CACNA1D: variants seen among roughly 807,000 people sequenced by gnomAD.
The protein encoded by CACNA1D is calcium voltage-gated channel subunit alpha1 D.
CACNA1D carries 55 observed loss-of-function variants against 257.1 expected under a neutral mutation model. That is an observed-to-expected ratio of 0.21 (90% CI 0.17 to 0.27). CACNA1D has a LOEUF of 0.27. Ranked by LOEUF, CACNA1D falls within the 10% of genes least tolerant of loss-of-function variation. The probability of loss-of-function intolerance (pLI) is 1.00; values close to 1 mark genes in which losing one functional copy is unlikely to be tolerated. For missense variants in CACNA1D, 1,876 were observed against 2,784.0 expected, an observed-to-expected ratio of 0.67 and a Z score of 7.34; for synonymous variants, 980 against 1,014.9, an observed-to-expected ratio of 0.97 and a Z score of 0.65.
At chr3:53,649,134 C>T (rs962518342) in intron 3 of CACNA1D, among the ~76,000 whole-genome samples, 6 of 152,068 alleles carry the variant, frequency 3.9e-5, no homozygotes, top group African/African-American at 1.2e-4. Flanking sequence ...AGCAGACAGC[C>T]GGAGCCCAGG....
intron 4 of CACNA1D, among the ~76,000 whole-genome samples, chr3:53,651,427 A>G (rs1436613445): frequency 8.7e-6 from 1 of 114,286 alleles, no homozygotes; most frequent in East Asian, 3.0e-4. Flanking sequence ...CTACTGTTCC[A>G]TTTTAAATAA....
chr3:53,757,212 G>A (rs1363667740), intron 29 of CACNA1D, among the ~76,000 whole-genome samples: 2 of 144,390 alleles, frequency 1.4e-5, no homozygotes, highest in African/African-American at 5.5e-5. Flanking sequence ...GAGAAAATTT[G>A]ACACTGTTTT....
chr3:53,791,370 G>A (rs2095482110), intron 40 of CACNA1D: 2 of 220,928 alleles, frequency 9.1e-6, no homozygotes, highest in Non-Finnish European at 1.8e-5. Context: ...ACAGAGAAAT[G>A]AAATGAACAC....
intron 3 of CACNA1D, among the ~76,000 whole-genome samples, chr3:53,616,567 C>T (rs2093639364): frequency 6.6e-6 from 1 of 152,206 alleles, no homozygotes; most frequent in African/African-American, 2.4e-5. Context: ...TTCCTACCCA[C>T]CCCCTGACCT....
In CACNA1D at chr3:53,742,651, A is replaced by G. The variant is rs2612027; in HGVS notation, c.2812-360A>G. Among the ~76,000 whole-genome samples, 91,318 of 152,060 alleles carry G rather than the reference A, an allele frequency of 0.6. 28,216 individuals carry two copies. Among genetic ancestry groups the G allele is most frequent in the Non-Finnish European group, 0.68 (46,118 of 67,978 alleles). On this transcript the variant is annotated intron_variant, in intron 21 of 47. Coordinates refer to ENST00000350061, the MANE Select transcript of CACNA1D (RefSeq NM_001128840.3). ...GGGCCTCAGAGGGGCCAGAACCAGCACTTTGTGGGGAAGTGGGCTCTCCGG... is the reference window on the plus strand; with the variant it reads ...GGGCCTCAGAGGGGCCAGAACCAGCGCTTTGTGGGGAAGTGGGCTCTCCGG...
intron 3 of CACNA1D, among the ~76,000 whole-genome samples, chr3:53,634,499 G>T (rs895341901): frequency 6.6e-6 from 1 of 152,128 alleles, no homozygotes; most frequent in Non-Finnish European, 1.5e-5. Flanking sequence ...CTTGTAATAG[G>T]GTGTGAATGG....
At chr3:53,717,318 G>T in intron 9 of CACNA1D, among the ~76,000 whole-genome samples, 1 of 152,324 alleles carries the variant, frequency 6.6e-6, no homozygotes. Flanking sequence ...TGAGCTGGGG[G>T]CTGCCTGTCC....
chr3:53,568,503 A>G (rs2092887876), intron 3 of CACNA1D, among the ~76,000 whole-genome samples: 1 of 151,766 alleles, frequency 6.6e-6, no homozygotes, highest in Admixed American at 6.6e-5. Flanking sequence ...CCCCCTGCCT[A>G]CTCTTCTGTC....
In CACNA1D at chr3:53,495,117, C is replaced by T. The variant is rs1224271107; in HGVS notation, c.-50C>T. On this transcript the variant is annotated 5_prime_UTR_variant, in exon 1 of 48. It adds an upstream start codon to the 5' untranslated region. Coordinates refer to ENST00000350061, the MANE Select transcript of CACNA1D (RefSeq NM_001128840.3). The surrounding 1 kb of genome is among the most constrained non-coding windows in gnomAD (Gnocchi z 5.1). ...CTTCCCCATTCCGCCCCCGCCTCAACGCCCAGCACAGTGCCCTGCACACAG... is the reference window on the plus strand; with the variant it reads ...CTTCCCCATTCCGCCCCCGCCTCAATGCCCAGCACAGTGCCCTGCACACAG... 1 of 1,298,450 alleles carries T rather than the reference C, an allele frequency of 7.7e-7. No individual in the cohort carries two copies. Among genetic ancestry groups the T allele is most frequent in the Non-Finnish European group, 1.1e-6 (1 of 914,676 alleles). The allele number at this position is 1,298,450 out of a possible 1,614,324, so 80.4% of individuals were successfully genotyped here.
At chr3:53,630,100 C>T (rs2108110283) in intron 3 of CACNA1D, among the ~76,000 whole-genome samples, 1 of 152,282 alleles carries the variant, frequency 6.6e-6, no homozygotes, top group South Asian at 2.1e-4. Flanking sequence ...GACATAACAC[C>T]TGTGAAAGAT....
rs567632129 is a variant in CACNA1D at position 53,702,910 on chromosome 3, G to A, written c.1390+100G>A. The A allele has an allele frequency of 4.0e-4, 509 of 1,274,884 alleles. 5 individuals carry two copies. Among genetic ancestry groups the A allele is most frequent in the South Asian group, 4.0e-3 (314 of 78,990 alleles). The allele number at this position is 1,274,884 out of a possible 1,614,324, so 79.0% of individuals were successfully genotyped here. ...CGACTCTGACCCAGGCTGTGAGTGG[G>A]ACAGCCTCCTCCCAGCCATCTGGTC... On this transcript the variant is annotated intron_variant, in intron 9 of 47. Transcript: ENST00000350061.
chr3:53,648,888 G>A (rs2094054762), intron 3 of CACNA1D, among the ~76,000 whole-genome samples: 1 of 151,718 alleles, frequency 6.6e-6, no homozygotes, highest in Non-Finnish European at 1.5e-5. Flanking sequence ...TGTTATAATG[G>A]TGTTCTGAGG....
At chr3:53,537,555 AAAT>A (rs1313544741) in intron 3 of CACNA1D, among the ~76,000 whole-genome samples, 7 of 152,160 alleles carry the variant, frequency 4.6e-5, no homozygotes, top group South Asian at 2.1e-4. Flanking sequence ...CATGAGAAAA[AAAT>A]AATAATTCCT....
chr3:53,576,036 C>A (rs949095823), intron 3 of CACNA1D, among the ~76,000 whole-genome samples: 2 of 152,118 alleles, frequency 1.3e-5, no homozygotes, highest in African/African-American at 4.8e-5. Context: ...GGAACGTTCC[C>A]TCTCTCCGTT....
chr3:53,786,740 C>G, intron 39 of CACNA1D, 82 bp from the exon 40 acceptor site: 2 of 1,140,660 alleles, frequency 1.8e-6, no homozygotes, highest in Non-Finnish European at 2.6e-6. Flanking sequence ...TGCCCCTGCC[C>G]CTGCCCCAGC....
At chr3:53,625,470 C>T (rs2093746692) in intron 3 of CACNA1D, among the ~76,000 whole-genome samples, 1 of 152,184 alleles carries the variant, frequency 6.6e-6, no homozygotes, top group South Asian at 2.1e-4. Flanking sequence ...CTACTGAGTA[C>T]TCTCAGCTGT....
chr3:53,690,513 C>T (rs564695866), intron 8 of CACNA1D, among the ~76,000 whole-genome samples: 36 of 152,264 alleles, frequency 2.4e-4, no homozygotes, highest in African/African-American at 7.9e-4. Flanking sequence ...GGTGCTCTGC[C>T]CCTTGTTCTC....
At position 53,603,793 on chromosome 3, in the gene CACNA1D, G is replaced by A. The variant is rs2093474580; in HGVS notation, c.484-46986G>A. On this transcript the variant is annotated intron_variant, in intron 3 of 47. Transcript: ENST00000350061. ...ACTTCAAAATCCATATCCTATGGTT[G>A]ATTTCCAGATTCACTGAATTAGAAT... Among the ~76,000 whole-genome samples, 4 of 152,310 alleles carry A rather than the reference G, an allele frequency of 2.6e-5. No individual in the cohort carries two copies. The South Asian group carries it at 8.3e-4, about 32-fold the overall frequency.
At chr3:53,669,658 A>G (rs1342604320) in intron 7 of CACNA1D, among the ~76,000 whole-genome samples, 1 of 152,238 alleles carries the variant, frequency 6.6e-6, no homozygotes, top group Non-Finnish European at 1.5e-5. Context: ...AGGTGGGTCC[A>G]ATATGTAGAA....
Sources: allele counts gnomAD v4.1 joint callset (sites outside exome capture counted in the v4.1 genomes callset), GRCh38; gene constraint gnomAD v4.1.1; non-coding constraint Gnocchi (gnomAD v3.1); transcripts MANE v1.5; gene names NCBI Gene and HGNC (gene_info 2026-07-23, HGNC 2026-07-21).